The following VGLL4 variants were observed in gnomAD, a reference collection of about 807,000 sequenced individuals.
The protein encoded by VGLL4 is transcription cofactor vestigial-like protein 4.
Under a neutral mutation model 21.0 loss-of-function variants are expected in VGLL4, and 7 were observed. The observed-to-expected ratio is 0.33, with a 90% CI of 0.19 to 0.63. VGLL4 has a LOEUF of 0.63. Among genes scored for constraint, VGLL4 ranks in the 20% least tolerant of loss-of-function variants. VGLL4 has a pLI of 0.78. For synonymous variants in VGLL4, 222 were observed against 173.2 expected, an observed-to-expected ratio of 1.28 and a Z score of -2.21; for missense variants, 394 against 425.7, an observed-to-expected ratio of 0.93 and a Z score of 0.66.
At chr3:11,673,572 T>C (rs148156038) in intron 2 of VGLL4, among the ~76,000 whole-genome samples, 29 of 152,262 alleles carry the variant, frequency 1.9e-4, no homozygotes, top group African/African-American at 7.0e-4. Context: ...AGTTTCTAGA[T>C]TGAAGGGGTT....
At chr3:11,631,114 G>T (rs2075466675) in intron 1 of VGLL4, among the ~76,000 whole-genome samples, 1 of 152,210 alleles carries the variant, frequency 6.6e-6, no homozygotes, top group Non-Finnish European at 1.5e-5. Context: ...GGCACAAGAA[G>T]CTGGATCCAA....
rs145466882 is a variant in VGLL4, at chr3:11,638,474, T to G, written c.82+4963A>C. Among the ~76,000 whole-genome samples, 112 of 152,262 alleles carry G rather than the reference T, an allele frequency of 7.4e-4. No homozygotes were observed. In the East Asian group the frequency reaches 9.7e-3, roughly 13 times the overall value. On this transcript the variant is annotated intron_variant, in intron 1 of 4. Transcript: ENST00000430365. Reference sequence around the variant, plus strand: ...CAGGCCAGCTCTCTCGCAGAGCTCCTGGGCTCACCTGGGCATGTTTTACTA... The same window carrying G: ...CAGGCCAGCTCTCTCGCAGAGCTCCGGGGCTCACCTGGGCATGTTTTACTA...
chr3:11,699,204 C>T (rs2076646440), intron 2 of VGLL4, among the ~76,000 whole-genome samples: 1 of 152,172 alleles, frequency 6.6e-6, no homozygotes, highest in Admixed American at 6.5e-5. Flanking sequence ...TGAAAGACAT[C>T]GAAACCTAAT....
intron 1 of VGLL4, among the ~76,000 whole-genome samples, chr3:11,704,038 G>A (rs2076721585): frequency 6.6e-6 from 1 of 151,516 alleles, no homozygotes; most frequent in Non-Finnish European, 1.5e-5. Context: ...GAGGTCAGGA[G>A]TTCAAGACTA....
Position 11,604,163 on chromosome 3 carries a change from A to G in VGLL4, c.83-2141T>C, listed in dbSNP as rs141165236. The stretch of plus-strand genomic sequence containing the variant: ...GCACTCCAGGTGTCCTTCACCAGGG[A>G]CTGTGACAGACGCCTCCACCAGGTC... On this transcript the variant is annotated intron_variant, in intron 1 of 4. Transcript: ENST00000430365. Among the ~76,000 whole-genome samples the G allele has an allele frequency of 5.5e-4, 84 of 152,188 alleles. 1 individual carries two copies. The highest frequency in any genetic ancestry group is 1.1e-3 in the Non-Finnish European group (73 of 68,014).
At chr3:11,716,246 G>T (rs1394249334) in intron 1 of VGLL4, among the ~76,000 whole-genome samples, 1 of 149,230 alleles carries the variant, frequency 6.7e-6, no homozygotes, top group African/African-American at 2.5e-5. Flanking sequence ...AAGTTGCAGT[G>T]AGCTGAGATC....
intron 3 of VGLL4, among the ~76,000 whole-genome samples, chr3:11,562,175 G>A (rs1237697660): frequency 6.6e-6 from 1 of 152,114 alleles, no homozygotes; most frequent in East Asian, 1.9e-4. Context: ...GGGATTACAG[G>A]TGTGAGCCAC....
At chr3:11,581,765 C>T (rs949698050) in intron 2 of VGLL4, among the ~76,000 whole-genome samples, 5 of 152,184 alleles carry the variant, frequency 3.3e-5, no homozygotes, top group Non-Finnish European at 5.9e-5. Context: ...GCTTTTATTT[C>T]CCTTGTAATT....
chr3:11,652,016 G>C (rs142559160), intron 2 of VGLL4, among the ~76,000 whole-genome samples: 2 of 152,066 alleles, frequency 1.3e-5, no homozygotes, highest in Non-Finnish European at 2.9e-5. Context: ...ATTAAGTAGC[G>C]ACTGATCATT....
intron 2 of VGLL4, among the ~76,000 whole-genome samples, chr3:11,665,523 A>T (rs1464767914): frequency 6.6e-6 from 1 of 152,194 alleles, no homozygotes; most frequent in South Asian, 2.1e-4. Context: ...CCACAGCCTG[A>T]GGCTGAGTGA....
At chr3:11,602,055 A>G in intron 1 of VGLL4, 33 bp from the exon 2 acceptor site, 1 of 1,486,946 alleles carries the variant, frequency 6.7e-7, no homozygotes, top group Non-Finnish European at 8.9e-7. Context: ...GTCACTAAGC[A>G]GGAGAAAGGC....
rs373162156 is a variant in VGLL4, at chr3:11,565,162, G to A, written c.273-143C>T. 117 of 850,800 alleles carry A rather than the reference G, an allele frequency of 1.4e-4. 1 individual carries two copies. The highest frequency in any genetic ancestry group is 1.1e-3 in the South Asian group (38 of 33,916). The allele number at this position is 850,800 out of a possible 1,614,324, so 52.7% of individuals were successfully genotyped here. A position where few individuals can be genotyped will look rare whatever the true frequency, so the allele number is the denominator to read the frequency against. ...TGGCTGGGCAGCACGATGAGGAGCC[G>A]GTTGCCAGCCCGGGTCAGCCGGACA... On this transcript the variant is annotated intron_variant, in intron 2 of 4. Coordinates refer to ENST00000430365, the MANE Select transcript of VGLL4 (RefSeq NM_001128219.3). This position sits in a 1 kb window ranked among gnomAD's most constrained non-coding sequence, Gnocchi z 4.1.
Position 11,568,677 on chromosome 3 carries a change from G to A in VGLL4, c.273-3658C>T. On this transcript the variant is annotated intron_variant, in intron 2 of 4. Coordinates refer to ENST00000430365, the MANE Select transcript of VGLL4 (RefSeq NM_001128219.3). This position sits in a 1 kb window ranked among gnomAD's most constrained non-coding sequence, Gnocchi z 5.9. ...TTTTCCAGGCCCCGCTCGCCCGGAT[G>A]AATCACCTCCCGGCCACTGCTTCCC... 1 of 1,554,588 alleles carries A rather than the reference G, an allele frequency of 6.4e-7. No homozygotes were observed.
chr3:11,627,238 T>TCTCTCTCTCTCTCCCC (rs376306251), intron 1 of VGLL4: 18 of 144,508 alleles, frequency 1.2e-4, no homozygotes, highest in Admixed American at 1.2e-3. Context: ...ACACTCTCTC[T>TCTCTCTCTCTCTCCCC]CTCTCTCTCT....
chr3:11,710,960 C>T (rs997893953), intron 1 of VGLL4, among the ~76,000 whole-genome samples: 1 of 151,918 alleles, frequency 6.6e-6, no homozygotes, highest in Admixed American at 6.6e-5. Flanking sequence ...ATTAGCTGGG[C>T]GTGGTGGTGA....
upstream of VGLL4, among the ~76,000 whole-genome samples, chr3:11,720,935 C>G (rs2076988388): frequency 2.0e-5 from 3 of 152,234 alleles, no homozygotes; most frequent in South Asian, 6.2e-4. Flanking sequence ...CCCGCCATCC[C>G]CAGCAACCCT....
In VGLL4 at chr3:11,568,931, G is replaced by A; in HGVS notation, c.273-3912C>T. ...CCCATCCTAGGCGGGCACTTCCACT[G>A]CCAGCTGCCCACGGAGAGAAAGATG... On this transcript the variant is annotated intron_variant, in intron 2 of 4. Transcript: ENST00000430365. The surrounding 1 kb of genome is among the most constrained non-coding windows in gnomAD (Gnocchi z 5.9). 1.6e-6 allele frequency: 2 copies of A among 1,246,950 alleles called. No individual in the cohort carries two copies. The highest frequency in any genetic ancestry group is 4.1e-5 in the East Asian group (1 of 24,318). The allele number at this position is 1,246,950 out of a possible 1,614,324, so 77.2% of individuals were successfully genotyped here. A position where few individuals can be genotyped will look rare whatever the true frequency, so the allele number is the denominator to read the frequency against.
At chr3:11,661,568 T>C (rs1032238966) in intron 2 of VGLL4, among the ~76,000 whole-genome samples, 1 of 151,958 alleles carries the variant, frequency 6.6e-6, no homozygotes, top group African/African-American at 2.4e-5. Context: ...CCTCCTGGGT[T>C]CAAGCGATTC....
intron 2 of VGLL4, among the ~76,000 whole-genome samples, chr3:11,683,597 G>T (rs750586513): frequency 5.9e-5 from 9 of 152,100 alleles, no homozygotes; most frequent in Non-Finnish European, 1.2e-4. Context: ...TCAAAAGTTC[G>T]AGACCAGCCT....
Sources: allele counts gnomAD v4.1 joint callset (sites outside exome capture counted in the v4.1 genomes callset), GRCh38; gene constraint gnomAD v4.1.1; non-coding constraint Gnocchi (gnomAD v3.1); transcripts MANE v1.5; gene names NCBI Gene and HGNC (gene_info 2026-07-23, HGNC 2026-07-21).